UBTF: variants seen among roughly 807,000 people sequenced by gnomAD.
UBTF encodes nucleolar transcription factor 1.
UBTF carries 8 observed loss-of-function variants against 112.3 expected under a neutral mutation model. The ratio of observed to expected loss-of-function variants is 0.07; its 90% CI spans 0.04 to 0.13. The LOEUF is 0.13. UBTF is among the 10% of genes least tolerant of loss of function. The pLI, the probability that UBTF is intolerant of heterozygous loss-of-function variation, is 1.00. For missense variants in UBTF, 457 were observed against 982.1 expected, an observed-to-expected ratio of 0.47 and a Z score of 7.15; for synonymous variants, 417 against 373.1, an observed-to-expected ratio of 1.12 and a Z score of -1.36.
At chr17:44,210,258 C>G (rs752533266) in intron 14 of UBTF, 24 bp from the exon 15 acceptor site, 1 of 1,614,244 alleles carries the variant, frequency 6.2e-7, no homozygotes, top group Admixed American at 1.7e-5. Context: ...AGGGTATCAG[C>G]CGTGGGAGGG....
intron 5 of UBTF, chr17:44,215,375 G>GA (rs2046798335): frequency 4.4e-6 from 2 of 454,972 alleles, no homozygotes; most frequent in Non-Finnish European, 4.0e-6. Flanking sequence ...GTGTATGGGG[G>GA]AGAGAGAGCT....
At chr17:44,208,914 G>A (rs2056458055) in intron 17 of UBTF, 1 of 360,044 alleles carries the variant, frequency 2.8e-6, no homozygotes, top group Admixed American at 3.5e-5. Context: ...GCTGCGGACG[G>A]TGGCTCAAGC....
At chr17:44,218,105 A>C (rs372589560) in intron 2 of UBTF, 67 bp downstream of exon 2, 2 of 1,498,302 alleles carry the variant, frequency 1.3e-6, no homozygotes. Flanking sequence ...TGAAGAAGGG[A>C]GTGAGCCCCG....
In UBTF at chr17:44,219,634, CGGCTGT is replaced by C. The variant is rs2047066798; in HGVS notation, c.-263_-258del. 1.9e-5 allele frequency: 2 copies of C among 104,470 alleles called. No homozygotes were observed. Among genetic ancestry groups the C allele is most frequent in the Non-Finnish European group, 4.0e-5 (2 of 50,310 alleles). The allele number at this position is 104,470 out of a possible 1,614,324, so 6.5% of individuals were successfully genotyped here. A position where few individuals can be genotyped will look rare whatever the true frequency, so the allele number is the denominator to read the frequency against. Reference sequence around the variant, plus strand: ...GCTGTGGCGGCGGCGGCGGCGGCGGCGGCTGTGGCTGCTGCCTGCTGCTCCTCGCGG... The same window carrying C: ...GCTGTGGCGGCGGCGGCGGCGGCGGCGGCTGCTGCCTGCTGCTCCTCGCGG... On this transcript the variant is annotated 5_prime_UTR_variant, in exon 1 of 21. Transcript: ENST00000436088.
At chr17:44,214,259 C>G (rs1264686211) in intron 5 of UBTF, among the ~76,000 whole-genome samples, 1 of 152,194 alleles carries the variant, frequency 6.6e-6, no homozygotes, top group African/African-American at 2.4e-5. Flanking sequence ...CCACAGAAAA[C>G]CAGAAGCAGA....
Position 44,206,914 on chromosome 17 carries a change from A to AC in UBTF, c.*327dup. On this transcript the variant is annotated 3_prime_UTR_variant, in exon 21 of 21. Transcript: ENST00000436088. ...CTCATCAAACTCTTTGGGACCCCCC[A>AC]CCCCCACTCTCCGGTCCATTGTCCA... The AC allele has an allele frequency of 2.3e-6, 1 of 433,154 alleles. No individual in the cohort carries two copies. Among genetic ancestry groups the AC allele is most frequent in the Non-Finnish European group, 4.1e-6 (1 of 245,284 alleles). The allele number at this position is 433,154 out of a possible 1,614,324, so 26.8% of individuals were successfully genotyped here.
rs773439809 is a variant in UBTF, at chr17:44,207,893, G to A, written c.1924C>T (p.Arg642Cys). 3.1e-6 allele frequency: 5 copies of A among 1,613,774 alleles called. No homozygotes were observed. The highest frequency in any genetic ancestry group is 2.2e-5 in the South Asian group (2 of 91,072). ...LWVKSLSPQD[R>C]AAYKEYISNK... ...GAGATGTACTCTTTATATGCTGCAC[G>A]GTCCTGGGGAGACAGGCTCTGGGGG... Residue 642 changes from arginine to cysteine, a missense_variant, in exon 18 of 21, where the codon CGT (arginine) becomes TGT (cysteine). Coordinates refer to ENST00000436088, the MANE Select transcript of UBTF (RefSeq NM_014233.4).
chr17:44,209,843 G>A (rs2056537705), intron 15 of UBTF, 110 bp from the exon 16 acceptor site: 3 of 1,213,972 alleles, frequency 2.5e-6, no homozygotes, highest in Admixed American at 4.2e-5. Context: ...GTGCCAGGGA[G>A]GAGGAGAAAC....
At chr17:44,210,605 C>T (rs962528922) in intron 13 of UBTF, 132 bp from the exon 14 acceptor site, 2 of 1,392,490 alleles carry the variant, frequency 1.4e-6, no homozygotes, top group Non-Finnish European at 1.9e-6. Context: ...CTGGGGCTCG[C>T]CCCCGCCTGG....
intron 6 of UBTF, 70 bp from the exon 7 acceptor site, chr17:44,213,009 C>T (rs950319211): frequency 5.7e-6 from 9 of 1,587,754 alleles, no homozygotes; most frequent in Non-Finnish European, 7.7e-6. Flanking sequence ...AGCTGCCCCA[C>T]CCACCAAGCC....
In UBTF at chr17:44,216,203, AG is replaced by A. The variant is rs1357039259; in HGVS notation, c.235-215del. ...GGCCCAGGCAGTCAGTACACACCAA[AG>A]GCCAGCAACAAGGGGACTAACTGAC... On this transcript the variant is annotated intron_variant, in intron 3 of 20. Coordinates refer to ENST00000436088, the MANE Select transcript of UBTF (RefSeq NM_014233.4). 7 of 606,694 alleles carry A rather than the reference AG, an allele frequency of 1.2e-5. No homozygotes were observed. The Admixed American group carries it at 1.2e-4, about 10-fold the overall frequency. 37.6% of individuals were successfully genotyped at this position (606,694 alleles called of 1,614,324 possible).
intron 17 of UBTF, chr17:44,209,095 G>GTT: frequency 3.5e-6 from 1 of 286,986 alleles, no homozygotes; most frequent in Non-Finnish European, 6.2e-6. Flanking sequence ...CTTGAACCTG[G>GTT]GAGGTGGAGG....
In UBTF at chr17:44,211,340, G is replaced by T; in HGVS notation, c.1048-9C>A. 6.2e-7 allele frequency: 1 copy of T among 1,614,106 alleles called. No homozygotes were observed. Among genetic ancestry groups the T allele is most frequent in the Non-Finnish European group, 8.5e-7 (1 of 1,180,008 alleles). On this transcript the variant is annotated splice_polypyrimidine_tract_variant and intron_variant, in intron 10 of 20. Coordinates refer to ENST00000436088, the MANE Select transcript of UBTF (RefSeq NM_014233.4). This position sits in a 1 kb window ranked among gnomAD's most constrained non-coding sequence, Gnocchi z 4.9. Reference sequence around the variant, plus strand: ...TCGTAATCTTTCTTTTTCTGGGAAAGTGAGTGGAGTCAGGATCAGTCTGGA... The same window carrying T: ...TCGTAATCTTTCTTTTTCTGGGAAATTGAGTGGAGTCAGGATCAGTCTGGA...
chr17:44,209,093 TGGGAG>T, intron 17 of UBTF: 5 of 379,478 alleles, frequency 1.3e-5, no homozygotes, highest in South Asian at 6.2e-5. Context: ...CGCTTGAACC[TGGGAG>T]GTGGAGGTTG....
chr17:44,208,095 T>A (rs1390993184), intron 17 of UBTF, among the ~76,000 whole-genome samples, 184 bp from the exon 18 acceptor site: 1 of 46,038 alleles, frequency 2.2e-5, no homozygotes, highest in Non-Finnish European at 3.4e-5. Context: ...AGCTCTAATT[T>A]TTTTTTTTTT....
At chr17:44,208,892 A>G in intron 17 of UBTF, 5 of 340,294 alleles carry the variant, frequency 1.5e-5, no homozygotes, top group South Asian at 4.2e-5. Context: ...TATTTTTAAA[A>G]GGGTGATAGT....
chr17:44,212,027 A>G (rs1164956843), intron 8 of UBTF, 21 bp from the exon 9 acceptor site: 3 of 1,600,308 alleles, frequency 1.9e-6, no homozygotes, highest in Admixed American at 1.7e-5. Flanking sequence ...AGGTGGGGGG[A>G]CGGAGGGCAA....
chr17:44,212,498 A>T, intron 7 of UBTF, 44 bp from the exon 8 acceptor site: 7 of 94,236 alleles, frequency 7.4e-5, no homozygotes, highest in African/African-American at 2.7e-4. Flanking sequence ...AGCCAGGGGC[A>T]GGGGGAGGGG....
upstream of UBTF, chr17:44,221,154 G>A (rs1178502025): frequency 1.3e-5 from 2 of 151,640 alleles, no homozygotes; most frequent in African/African-American, 2.4e-5. Flanking sequence ...TTTGCAGGGC[G>A]GGCATGTTGA....
Sources: allele counts gnomAD v4.1 joint callset (sites outside exome capture counted in the v4.1 genomes callset), GRCh38; gene constraint gnomAD v4.1.1; non-coding constraint Gnocchi (gnomAD v3.1); transcripts MANE v1.5; gene names NCBI Gene and HGNC (gene_info 2026-07-23, HGNC 2026-07-21).